Variants in VWF observed in about 807,000 individuals in gnomAD.
VWF encodes the protein von Willebrand factor.
VWF carries 176 observed loss-of-function variants against 308.6 expected under a neutral mutation model. That is an observed-to-expected ratio of 0.57 (90% confidence interval 0.50 to 0.65). The LOEUF (loss-of-function observed/expected upper bound fraction) is 0.65. VWF is among the 30% of genes least tolerant of loss of function. The probability of loss-of-function intolerance (pLI) is 0.00; values close to 1 mark genes in which losing one functional copy is unlikely to be tolerated. For missense variants in VWF, 3,146 were observed against 3,648.2 expected (o/e 0.86, Z 3.55); for synonymous variants, 1,385 against 1,443.4 (o/e 0.96, Z 0.92).
intron 40 of VWF, among the ~76,000 whole-genome samples, chr12:5,983,794 G>GAGATAGATAGATAGATAT (rs1943640529): frequency 6.7e-6 from 1 of 148,656 alleles, no homozygotes; most frequent in Non-Finnish European, 1.5e-5. Flanking sequence ...AGATACAATA[G>GAGATAGATAGATAGATAT]AGATAGATAG....
chr12:6,115,659 A>C (rs893096193), intron 3 of VWF, among the ~76,000 whole-genome samples: 1 of 152,302 alleles, frequency 6.6e-6, no homozygotes, highest in Non-Finnish European at 1.5e-5. Context: ...ACTTCATTTT[A>C]CAGACGGAGA....
At position 5,980,257 on chromosome 12, in the gene VWF, T is replaced by TAGGTAGGGAGGGAGGA. The variant is rs1555191423; in HGVS notation, c.7287+1528_7287+1529insTCCTCCCTCCCTACCT. On this transcript the variant is annotated intron_variant, in intron 42 of 51. Coordinates refer to ENST00000261405, the MANE Select transcript of VWF (RefSeq NM_000552.5). ...GAGGGAGGGAAGGAAGGAAGTGACG[T>TAGGTAGGGAGGGAGGA]AGGGAGGGAGGGAGGAGGACAGCTG... Among the ~76,000 whole-genome samples the TAGGTAGGGAGGGAGGA allele has an allele frequency of 4.4e-5, 2 of 45,826 alleles. 1 individual carries two copies. The highest frequency in any genetic ancestry group is 1.7e-4 in the African/African-American group (2 of 11,758). 30.1% of individuals were successfully genotyped at this position (45,826 alleles called of 152,430 possible). A position where few individuals can be genotyped will look rare whatever the true frequency, so the allele number is the denominator to read the frequency against.
intron 43 of VWF, among the ~76,000 whole-genome samples, chr12:5,974,757 G>A (rs184436267): frequency 3.3e-5 from 5 of 152,314 alleles, no homozygotes; most frequent in South Asian, 4.2e-4. Context: ...TGGAGCAGAC[G>A]GACAGAAATA....
At chr12:6,062,835 G>T in intron 13 of VWF, 119 bp downstream of exon 13, 1 of 813,630 alleles carries the variant, frequency 1.2e-6, no homozygotes, top group Non-Finnish European at 2.0e-6. Context: ...CTCTGGGGGT[G>T]TAGGCCATGA....
Position 6,110,893 on chromosome 12 carries a change from T to C in VWF, c.296A>G (p.Asn99Ser). The C allele has an allele frequency of 1.2e-6, 2 of 1,614,112 alleles. No homozygotes were observed. Among genetic ancestry groups the C allele is most frequent in the South Asian group, 1.1e-5 (1 of 91,080 alleles). ...GEFFDIHLFVNGTVTQGDQRV... is the reference protein window; with the variant it reads ...GEFFDIHLFVSGTVTQGDQRV... The stretch of plus-strand genomic sequence containing the variant: ...TTGGTCCCCCTGTGTCACGGTACCA[T>C]TGACAAACAAATGGATGTCAAAAAA... The change falls in exon 4 of 52, where the codon AAT (asparagine) becomes AGT (serine). Residue 99 changes from asparagine (N) to serine (S), a missense_variant. Around this residue, in one of 3 missense-constraint regions of VWF, gnomAD observed 1,304 missense variants for 1,353.0 expected, o/e 0.96. Transcript: ENST00000261405.
chr12:6,121,042 G>A, intron 3 of VWF, 132 bp downstream of exon 3: 1 of 1,282,712 alleles, frequency 7.8e-7, no homozygotes, highest in Non-Finnish European at 1.1e-6. Flanking sequence ...CAGAAAGGCT[G>A]TTCCTCTCCT....
intron 29 of VWF, 41 bp downstream of exon 29, chr12:6,016,712 GC>G (rs1565830650): frequency 2.5e-6 from 4 of 1,614,236 alleles, no homozygotes; most frequent in Non-Finnish European, 3.4e-6. Flanking sequence ...CACAAAAAGA[GC>G]CTCTTCGTCA....
intron 40 of VWF, among the ~76,000 whole-genome samples, 196 bp downstream of exon 40, chr12:5,984,849 G>C (rs1943659590): frequency 6.6e-6 from 1 of 152,258 alleles, no homozygotes; most frequent in Non-Finnish European, 1.5e-5. Flanking sequence ...GTAATTTACA[G>C]TAGATTCTTC....
rs978785716 is a variant in VWF at position 5,951,783 on chromosome 12, A to C, written c.8155+61T>G. ...TAATGGGTTTCAAGGAGCAAGCTGC[A>C]AAGAGCCCCTGGACTTGCTCTGATG... On this transcript the variant is annotated intron_variant, in intron 50 of 51. Coordinates refer to ENST00000261405, the MANE Select transcript of VWF (RefSeq NM_000552.5). The C allele has an allele frequency of 3.7e-5, 59 of 1,585,904 alleles. No homozygotes were observed. In the African/African-American group the frequency reaches 6.3e-4, roughly 17 times the overall value.
intron 3 of VWF, among the ~76,000 whole-genome samples, chr12:6,117,980 C>T (rs1469635755): frequency 1.3e-5 from 2 of 152,138 alleles, no homozygotes; most frequent in East Asian, 3.9e-4. Context: ...TTCTGTGGGA[C>T]GGAAACCGAC....
At chr12:5,965,091 C>T (rs1025338438) in intron 47 of VWF, among the ~76,000 whole-genome samples, 1 of 152,164 alleles carries the variant, frequency 6.6e-6, no homozygotes, top group African/African-American at 2.4e-5. Context: ...CACATTTCCC[C>T]GTTCAAGGGG....
chr12:6,028,364 TA>T (rs1029201773), intron 22 of VWF, among the ~76,000 whole-genome samples: 15 of 152,128 alleles, frequency 9.9e-5, no homozygotes, highest in African/African-American at 3.6e-4. Context: ...TTAAGAAACC[TA>T]AAGAAAAGTT....
At chr12:6,103,036 C>G (rs1291934521) in intron 5 of VWF, among the ~76,000 whole-genome samples, 1 of 151,588 alleles carries the variant, frequency 6.6e-6, no homozygotes, top group African/African-American at 2.4e-5. Flanking sequence ...TAAAAATATA[C>G]ACATAGATCG....
rs35365059 is a variant in VWF, at chr12:6,057,952, C to T, written c.1626G>A (p.Ala542=). The T allele has an allele frequency of 0.089, 142,947 of 1,613,666 alleles. 6,925 individuals are homozygous for T. Among genetic ancestry groups the T allele is most frequent in the East Asian group, 0.14 (6,317 of 44,850 alleles). Reference sequence around the variant, plus strand: ...TCCCGAAGTCCTCCACCCGGGGCTCCGCCAGCCCAGAGGGGGTAAGGAAGT... The same window carrying T: ...TCCCGAAGTCCTCCACCCGGGGCTCTGCCAGCCCAGAGGGGGTAAGGAAGT... ...GDDFLTPSGL[A]EPRVEDFGNA... Residue 542 remains alanine (A), a synonymous_variant, in exon 14 of 52, where the codon GCG becomes GCA. Coordinates refer to ENST00000261405, the MANE Select transcript of VWF (RefSeq NM_000552.5).
chr12:5,966,337 T>A (rs1943404035), intron 47 of VWF, among the ~76,000 whole-genome samples: 1 of 151,948 alleles, frequency 6.6e-6, no homozygotes, highest in Admixed American at 6.6e-5. Flanking sequence ...TCCTAAAACA[T>A]CAACTGGGAT....
chr12:6,089,733 T>C (rs1444791569), intron 6 of VWF, among the ~76,000 whole-genome samples: 1 of 152,040 alleles, frequency 6.6e-6, no homozygotes, highest in African/African-American at 2.4e-5. Context: ...TGGGCTATGT[T>C]TGCAAAATAA....
At chr12:5,993,771 A>G (rs1363062165) in intron 37 of VWF, 91 bp downstream of exon 37, 10 of 1,207,752 alleles carry the variant, frequency 8.3e-6, no homozygotes, top group Non-Finnish European at 1.2e-5. Flanking sequence ...TTTCATCCTT[A>G]TTAGCCAGAT....
chr12:6,045,619 G>C (rs907870995), intron 17 of VWF, among the ~76,000 whole-genome samples: 1 of 152,300 alleles, frequency 6.6e-6, no homozygotes, highest in East Asian at 1.9e-4. Flanking sequence ...CCCAGCTCTA[G>C]GCTGAGAGAC....
chr12:6,088,976 C>T lies in VWF; in HGVS notation c.657+6484G>A, dbSNP rs1247000257. On this transcript the variant is annotated intron_variant, in intron 6 of 51. Transcript: ENST00000261405. The stretch of plus-strand genomic sequence containing the variant: ...GAATGAGCTGACTCCTTGCTATGCC[C>T]TAGAAAGACAGAAAGCACCAGAGGG... 5.3e-5 allele frequency among the ~76,000 whole-genome samples: 8 copies of T among 152,224 alleles called. No individual in the cohort carries two copies. The East Asian group carries it at 1.4e-3, about 26-fold the overall frequency.
Sources: gnomAD v4.1 joint callset for allele counts (sites outside exome capture counted in the v4.1 genomes callset) on GRCh38, gnomAD v4.1.1 for gene constraint, gnomAD v4.1.1 regional missense constraint, MANE v1.5 for transcripts, NCBI Gene and HGNC (gene_info 2026-07-23, HGNC 2026-07-21) for gene names.